SACS: variants seen among roughly 807,000 people sequenced by gnomAD.
SACS encodes the protein sacsin.
A neutral mutation model predicts 348.0 loss-of-function variants in SACS; 197 were observed. The observed-to-expected ratio is 0.57, with a 90% CI of 0.50 to 0.64. The LOEUF is 0.64. Among genes scored for constraint, SACS ranks in the 30% least tolerant of loss-of-function variants. SACS has a pLI of 0.00. For missense variants in SACS, 4,999 were observed against 5,360.8 expected (o/e 0.93, Z 2.11); for synonymous variants, 1,985 against 1,910.6 (o/e 1.04, Z -1.02).
At chr13:23,359,307 ATGT>A (rs1254929820) in intron 6 of SACS, among the ~76,000 whole-genome samples, 2 of 152,258 alleles carry the variant, frequency 1.3e-5, no homozygotes, top group Non-Finnish European at 2.9e-5. Context: ...ATCTTTTAAC[ATGT>A]TGTATGCCTT....
At position 23,330,280 on chromosome 13, in the gene SACS, G is replaced by C. The variant is rs762266875; in HGVS notation, c.13596C>G (p.Asp4532Glu). 1.2e-6 allele frequency: 2 copies of C among 1,614,144 alleles called. No homozygotes were observed. The highest frequency in any genetic ancestry group is 3.3e-5 in the Admixed American group (2 of 60,024). The stretch of plus-strand genomic sequence containing the variant: ...AATCAGGGTATCTTGTTTTTAAACT[G>C]TCTACACCATAAGCTTCCAATGTGT... ...DVHTLEAYGV[D>E]SLKTRYPDLL... Residue 4532 changes from aspartate (D) to glutamate (E), a missense_variant, in exon 10 of 10, where the codon GAC becomes GAG. This residue lies in a region of SACS where 254 missense variants were observed against 275.1 expected (regional missense o/e 0.92). Coordinates refer to ENST00000382292, the MANE Select transcript of SACS (RefSeq NM_014363.6).
intron 2 of SACS, among the ~76,000 whole-genome samples, chr13:23,397,850 T>C (rs1400621970): frequency 1.3e-5 from 2 of 152,166 alleles, no homozygotes; most frequent in Non-Finnish European, 2.9e-5. Context: ...GTGGTTGAGG[T>C]ACAGCTTGGT....
chr13:23,399,418 G>A (rs116891004), intron 2 of SACS, among the ~76,000 whole-genome samples: 4,443 of 152,118 alleles, frequency 0.029, 109 homozygotes, highest in East Asian at 0.094. Flanking sequence ...TACCCATTCT[G>A]TAAACTGCCC....
In SACS at chr13:23,411,363, G is replaced by GA. The variant is rs1475734969; in HGVS notation, c.-125dup. On this transcript the variant is annotated 5_prime_UTR_variant, in exon 2 of 10. It introduces an in-frame stop codon into an upstream open reading frame of the 5' UTR. Transcript: ENST00000382292. ...CAAGTTCAGCTCTTCCTGCCAGGTG[G>GA]AAAAAAAGCCTGTTTTTCCCTTCAG... 49 of 878,268 alleles carry GA rather than the reference G, an allele frequency of 5.6e-5. No individual in the cohort carries two copies. The highest frequency in any genetic ancestry group is 7.7e-5 in the Non-Finnish European group (41 of 529,918). The allele number at this position is 878,268 out of a possible 1,614,324, so 54.4% of individuals were successfully genotyped here. A position where few individuals can be genotyped will look rare whatever the true frequency, so the allele number is the denominator to read the frequency against.
At position 23,331,813 on chromosome 13, in the gene SACS, A is replaced by G. The variant is rs886050074; in HGVS notation, c.12063T>C (p.His4021=). The G allele has an allele frequency of 1.2e-6, 2 of 1,613,998 alleles. No individual in the cohort carries two copies. Among genetic ancestry groups the G allele is most frequent in the Non-Finnish European group, 1.7e-6 (2 of 1,179,952 alleles). The change falls in exon 10 of 10, where the codon CAT becomes CAC. Residue 4021 remains histidine, a synonymous_variant. Coordinates refer to ENST00000382292, the MANE Select transcript of SACS (RefSeq NM_014363.6). ...TGGCCAGAAAAGCATTATCATTTTC[A>G]TGCTTCATAATTCTAATCAGTCCTG... The part of the protein sequence containing the change: ...FITGLIRIMK[H]ENDNAFLANE...
intron 2 of SACS, among the ~76,000 whole-genome samples, chr13:23,399,518 C>T: frequency 6.6e-6 from 1 of 152,148 alleles, no homozygotes; most frequent in Non-Finnish European, 1.5e-5. Flanking sequence ...TCCCTTCCCA[C>T]CTAATTAGCC....
chr13:23,409,686 T>A (rs1873406343), intron 2 of SACS, among the ~76,000 whole-genome samples: 1 of 152,176 alleles, frequency 6.6e-6, no homozygotes, highest in South Asian at 2.1e-4. Flanking sequence ...AAAAGACTGA[T>A]GTTTTGACTC....
intron 2 of SACS, among the ~76,000 whole-genome samples, chr13:23,404,271 C>T (rs534907999): frequency 5.9e-5 from 9 of 152,124 alleles, no homozygotes; most frequent in East Asian, 3.9e-4. Flanking sequence ...GTTCAACATA[C>T]GCAAATCAAT....
At chr13:23,405,879 C>T (rs963939343) in intron 2 of SACS, among the ~76,000 whole-genome samples, 4 of 152,042 alleles carry the variant, frequency 2.6e-5, no homozygotes, top group African/African-American at 9.7e-5. Flanking sequence ...ATTAAAAAGT[C>T]AGGAAACAAC....
Position 23,338,774 on chromosome 13 carries a change from T to A in SACS, c.5102A>T (p.Glu1701Val), listed in dbSNP as rs1868909053. The change falls in exon 10 of 10, where the codon GAG becomes GTG. Residue 1701 changes from glutamate to valine, a missense_variant. Glu to Val is a moderately radical substitution (Grantham distance 121). This residue lies in a region of SACS where 3,156 missense variants were observed against 3,380.1 expected (regional missense o/e 0.93). Coordinates refer to ENST00000382292, the MANE Select transcript of SACS (RefSeq NM_014363.6). ...TTGTGCTAAACTGGGGTTGGTTTCC[T>A]CAATTTTCAAGTACTTCAAATACAT... ...KSMYLKYLKI[E>V]ETNPSLAQDT... The A allele has an allele frequency of 6.2e-7, 1 of 1,611,092 alleles. No individual in the cohort carries two copies. Among genetic ancestry groups the A allele is most frequent in the African/African-American group, 1.3e-5 (1 of 74,858 alleles).
chr13:23,358,095 G>C (rs1303845061), intron 7 of SACS, among the ~76,000 whole-genome samples: 1 of 152,144 alleles, frequency 6.6e-6, no homozygotes, highest in Non-Finnish European at 1.5e-5. Context: ...GATTCCACTG[G>C]ATCATGATGA....
At position 23,341,201 on chromosome 13, in the gene SACS, A is replaced by G; in HGVS notation, c.2675T>C (p.Ile892Thr). ...TTTGTGTGTTGGAAGTAGCGAAGTT[A>G]TTTGATTACACAATTTCTGCAATGG... The part of the protein sequence containing the change: ...KMPLQKLCNQ[I>T]TSLLPTHKDA... The change falls in exon 10 of 10, where the codon ATA becomes ACA. Residue 892 changes from isoleucine (I) to threonine (T), a missense_variant. This residue lies in a region of SACS where 3,156 missense variants were observed against 3,380.1 expected (regional missense o/e 0.93). Transcript: ENST00000382292. 2 of 1,613,822 alleles carry G rather than the reference A, an allele frequency of 1.2e-6. No individual in the cohort carries two copies. Among genetic ancestry groups the G allele is most frequent in the Non-Finnish European group, 1.7e-6 (2 of 1,180,020 alleles).
At chr13:23,361,772 C>T (rs1466198661) in intron 6 of SACS, among the ~76,000 whole-genome samples, 1 of 150,946 alleles carries the variant, frequency 6.6e-6, no homozygotes, top group Non-Finnish European at 1.5e-5. Flanking sequence ...AACAAAACTC[C>T]GTTTCGAAAA....
At position 23,339,655 on chromosome 13, in the gene SACS, GTCA is replaced by G. The variant is rs747953172; in HGVS notation, c.4218_4220del (p.Asp1407del). 6.2e-6 allele frequency: 10 copies of G among 1,613,648 alleles called. No homozygotes were observed. Among genetic ancestry groups the G allele is most frequent in the South Asian group, 2.2e-5 (2 of 90,996 alleles). On this transcript the variant is annotated inframe_deletion, in exon 10 of 10. Coordinates refer to ENST00000382292, the MANE Select transcript of SACS (RefSeq NM_014363.6). ...CAGAATCTTCAAGTAAGTCATTAAG[GTCA>G]TCAACTTTAATGTCACAATAACAGC...
intron 1 of SACS, among the ~76,000 whole-genome samples, chr13:23,421,144 G>A (rs1873923509): frequency 6.6e-6 from 1 of 151,968 alleles, no homozygotes; most frequent in Admixed American, 6.5e-5. Flanking sequence ...GGCCCTGGGT[G>A]TGAGCGTGGT....
chr13:23,398,242 C>T (rs1872788746), intron 2 of SACS, among the ~76,000 whole-genome samples: 2 of 148,824 alleles, frequency 1.3e-5, no homozygotes, highest in Non-Finnish European at 3.0e-5. Context: ...TTAAGAAATA[C>T]ATGGTTTTAG....
At chr13:23,400,531 C>T (rs1340488170) in intron 2 of SACS, among the ~76,000 whole-genome samples, 1 of 152,196 alleles carries the variant, frequency 6.6e-6, no homozygotes, top group Non-Finnish European at 1.5e-5. Flanking sequence ...TGCCATTCTC[C>T]TGCCTCAGCC....
rs1195974006 is a variant in SACS at position 23,329,279 on chromosome 13, A to G, written c.*857T>C. ...TTTTTTTTTTAACTGCAGCACCTTT[A>G]GACAACAAAAGATTGCATCCTGTTC... On this transcript the variant is annotated 3_prime_UTR_variant, in exon 10 of 10. Transcript: ENST00000382292. The G allele has an allele frequency of 1.8e-6, 1 of 570,408 alleles. No individual in the cohort carries two copies. The highest frequency in any genetic ancestry group is 2.0e-5 in the African/African-American group (1 of 50,198). 35.3% of individuals were successfully genotyped at this position (570,408 alleles called of 1,614,324 possible).
rs751286459 is a variant in SACS at position 23,333,384 on chromosome 13, T to C, written c.10492A>G (p.Ile3498Val). The change falls in exon 10 of 10, where the codon ATC becomes GTC. Residue 3498 changes from isoleucine to valine, a missense_variant. Coordinates refer to ENST00000382292, the MANE Select transcript of SACS (RefSeq NM_014363.6). ...LSYDAKLEHL[I>V]YLKNRLSSAE... is the part of the protein sequence containing the mutation. ...CTTGATAATCTATTCTTAAGGTAGA[T>C]CAAGTGCTCTAATTTTGCATCATAA... 6.2e-7 allele frequency: 1 copy of C among 1,603,780 alleles called. No individual in the cohort carries two copies. Among genetic ancestry groups the C allele is most frequent in the East Asian group, 2.2e-5 (1 of 44,766 alleles).
Sources: gnomAD v4.1 joint callset for allele counts (sites outside exome capture counted in the v4.1 genomes callset) on GRCh38, gnomAD v4.1.1 for gene constraint, gnomAD v4.1.1 regional missense constraint, MANE v1.5 for transcripts, NCBI Gene and HGNC (gene_info 2026-07-23, HGNC 2026-07-21) for gene names.